AP3S1: variants seen among roughly 807,000 people sequenced by gnomAD.
AP3S1 encodes AP-3 complex subunit sigma-1.
In AP3S1, 12 loss-of-function variants were observed where a neutral mutation model predicts 21.3. The observed-to-expected ratio is 0.56, with a 90% confidence interval of 0.36 to 0.91. The LOEUF (loss-of-function observed/expected upper bound fraction) is 0.91, where lower values mean the gene tolerates loss of function less well. Ranked by LOEUF, AP3S1 falls within the 40% of genes least tolerant of loss-of-function variation. The pLI is 0.01. For missense variants in AP3S1, 116 were observed against 225.0 expected, an observed-to-expected ratio of 0.52 and a Z score of 3.10; for synonymous variants, 48 against 78.4, an observed-to-expected ratio of 0.61 and a Z score of 2.05.
At chr5:115,884,259 A>G (rs1047399714) in intron 3 of AP3S1, among the ~76,000 whole-genome samples, 5 of 152,148 alleles carry the variant, frequency 3.3e-5, no homozygotes, top group Admixed American at 3.3e-4. Flanking sequence ...AAGTTCATAT[A>G]TTATGGTTAC....
intron 5 of AP3S1, among the ~76,000 whole-genome samples, chr5:115,911,934 A>G (rs187267293): frequency 1.1e-4 from 17 of 152,096 alleles, no homozygotes; most frequent in African/African-American, 1.7e-4. Context: ...TTAATTGGGT[A>G]TGGAGTTATT....
chr5:115,844,871 T>G (rs367590016), intron 1 of AP3S1, among the ~76,000 whole-genome samples: 1 of 152,192 alleles, frequency 6.6e-6, no homozygotes, highest in Non-Finnish European at 1.5e-5. Flanking sequence ...ATAGAATACT[T>G]GAAGGAACGT....
At chr5:115,856,223 A>G (rs1762788356) in intron 1 of AP3S1, among the ~76,000 whole-genome samples, 1 of 152,170 alleles carries the variant, frequency 6.6e-6, no homozygotes, top group Non-Finnish European at 1.5e-5. Flanking sequence ...TAAGGAAAAT[A>G]GTTTTATGTC....
At chr5:115,871,566 C>G (rs1466053999) in intron 3 of AP3S1, among the ~76,000 whole-genome samples, 3 of 152,010 alleles carry the variant, frequency 2.0e-5, no homozygotes, top group Admixed American at 6.6e-5. Context: ...TTTTTTCACT[C>G]TGATTTTACT....
chr5:115,892,492 A>G (rs1348732607), intron 3 of AP3S1, among the ~76,000 whole-genome samples: 1 of 152,236 alleles, frequency 6.6e-6, no homozygotes, highest in African/African-American at 2.4e-5. Flanking sequence ...TGATATTGTC[A>G]TTTGCAGCAA....
At chr5:115,907,385 G>GT (rs1468383511) in intron 5 of AP3S1, among the ~76,000 whole-genome samples, 3 of 152,124 alleles carry the variant, frequency 2.0e-5, no homozygotes, top group African/African-American at 7.2e-5. Context: ...GCTTAGAATA[G>GT]TGACTGTTAA....
chr5:115,842,933 C>T (rs111746439), intron 1 of AP3S1, among the ~76,000 whole-genome samples: 1 of 152,022 alleles, frequency 6.6e-6, no homozygotes, highest in Non-Finnish European at 1.5e-5. Flanking sequence ...GGAATTTGCC[C>T]TCATTTATAG....
chr5:115,908,631 T>C (rs1209316539), intron 5 of AP3S1, among the ~76,000 whole-genome samples: 1 of 152,120 alleles, frequency 6.6e-6, no homozygotes, highest in African/African-American at 2.4e-5. Flanking sequence ...TTGAAGATAA[T>C]CCGTACAAAA....
chr5:115,869,684 C>T (rs1347281875), intron 2 of AP3S1, among the ~76,000 whole-genome samples: 1 of 152,082 alleles, frequency 6.6e-6, no homozygotes, highest in East Asian at 1.9e-4. Flanking sequence ...TTTTGATTGT[C>T]AGTGTAACAC....
chr5:115,856,754 G>T (rs532512996), intron 1 of AP3S1, among the ~76,000 whole-genome samples: 1 of 152,150 alleles, frequency 6.6e-6, no homozygotes, highest in Admixed American at 6.5e-5. Flanking sequence ...GATTACAAAC[G>T]TGAGCCACTG....
At chr5:115,898,615 G>A (rs1403685280) in intron 4 of AP3S1, 1 of 152,192 alleles carries the variant, frequency 6.6e-6, no homozygotes, top group East Asian at 1.9e-4. Flanking sequence ...TCTGCATGTG[G>A]GCCAGGTCTT....
chr5:115,911,892 A>T (rs1037782516), intron 5 of AP3S1, among the ~76,000 whole-genome samples: 4 of 151,980 alleles, frequency 2.6e-5, no homozygotes, highest in Admixed American at 1.3e-4. Flanking sequence ...ACATCCATTA[A>T]ATTATAAAAC....
chr5:115,912,277 G>A (rs1217107885), intron 5 of AP3S1: 1 of 151,916 alleles, frequency 6.6e-6, no homozygotes, highest in East Asian at 1.9e-4. Context: ...AATCAAAGTG[G>A]AAGATTCGTT....
chr5:115,873,331 A>C (rs953858320), intron 3 of AP3S1, among the ~76,000 whole-genome samples: 1 of 152,198 alleles, frequency 6.6e-6, no homozygotes, highest in Admixed American at 6.6e-5. Context: ...TTTTTTATCC[A>C]TGCTTCACAC....
intron 3 of AP3S1, among the ~76,000 whole-genome samples, chr5:115,894,039 A>G (rs1048712853): frequency 2.0e-5 from 3 of 152,172 alleles, no homozygotes; most frequent in African/African-American, 4.8e-5. Context: ...GATCATCTCA[A>G]TGATTTACTG....
chr5:115,888,360 A>G (rs373645253), intron 3 of AP3S1, among the ~76,000 whole-genome samples: 2 of 152,026 alleles, frequency 1.3e-5, no homozygotes, highest in South Asian at 4.2e-4. Context: ...TCTTCACTTC[A>G]GATTGTCAGT....
intron 3 of AP3S1, among the ~76,000 whole-genome samples, chr5:115,876,712 C>T (rs1217679189): frequency 2.6e-5 from 4 of 152,164 alleles, no homozygotes; most frequent in African/African-American, 9.7e-5. Context: ...CTTTGTCTTT[C>T]ATTCATGTCT....
At chr5:115,862,553 A>G (rs1428101009) in intron 1 of AP3S1, among the ~76,000 whole-genome samples, 11 of 152,252 alleles carry the variant, frequency 7.2e-5, no homozygotes. Context: ...GTATTAAATT[A>G]TAACTGTATA....
intron 5 of AP3S1, among the ~76,000 whole-genome samples, chr5:115,905,271 AG>A (rs1751553052): frequency 6.6e-6 from 1 of 152,254 alleles, no homozygotes; most frequent in African/African-American, 2.4e-5. Flanking sequence ...TATAAAGAGC[AG>A]TAAAATGCGT....
Sources: gnomAD v4.1 joint callset for allele counts (sites outside exome capture counted in the v4.1 genomes callset) on GRCh38, gnomAD v4.1.1 for gene constraint, MANE v1.5 for transcripts, NCBI Gene and HGNC (gene_info 2026-07-23, HGNC 2026-07-21) for gene names.